Variants in DNAJC13 observed in about 807,000 individuals in gnomAD.
DNAJC13 encodes the protein dnaJ homolog subfamily C member 13.
Under a neutral mutation model 290.5 loss-of-function variants are expected in DNAJC13, and 75 were observed. The ratio of observed to expected loss-of-function variants is 0.26; its 90% CI spans 0.21 to 0.31. DNAJC13 has a LOEUF of 0.31. DNAJC13 is among the 10% of genes least tolerant of loss of function. The probability of loss-of-function intolerance (pLI) is 1.00; values close to 1 mark genes in which losing one functional copy is unlikely to be tolerated. For missense variants in DNAJC13, 2,260 were observed against 2,674.5 expected, an observed-to-expected ratio of 0.85 and a Z score of 3.42; for synonymous variants, 862 against 892.0, an observed-to-expected ratio of 0.97 and a Z score of 0.60.
intron 46 of DNAJC13, 148 bp downstream of exon 46, chr3:132,514,818 T>G (rs566403923): frequency 3.1e-6 from 2 of 637,056 alleles, no homozygotes; most frequent in Non-Finnish European, 5.4e-6. Context: ...CCTAATAATG[T>G]TTTACATACG....
chr3:132,453,350 A>G lies in DNAJC13; in HGVS notation c.590A>G (p.His197Arg), dbSNP rs1553744073. The G allele has an allele frequency of 1.2e-6, 2 of 1,613,942 alleles. No individual in the cohort carries two copies. Among genetic ancestry groups the G allele is most frequent in the African/African-American group, 1.3e-5 (1 of 75,054 alleles). ...GAGATTATTAAAAGTGCAATAGACC[A>G]TGCTGGTAACTACATAGGTATTTCA... ...REEIIKSAID[H>R]AGNYIGISLR... The change falls in exon 7 of 56, where the codon CAT becomes CGT. Residue 197 changes from histidine (H) to arginine (R), a missense_variant. Physicochemically the swap from His to Arg is conservative, Grantham distance 29. Around this residue, in one of 3 missense-constraint regions of DNAJC13, gnomAD observed 762 missense variants for 964.1 expected, o/e 0.79. Coordinates refer to ENST00000260818, the MANE Select transcript of DNAJC13 (RefSeq NM_015268.4).
intron 9 of DNAJC13, among the ~76,000 whole-genome samples, chr3:132,455,088 A>G (rs1054592405): frequency 6.6e-6 from 1 of 152,202 alleles, no homozygotes; most frequent in African/African-American, 2.4e-5. Flanking sequence ...GAAAAGACAG[A>G]TCGCAGGGAG....
At chr3:132,478,511 G>A (rs1007033962) in intron 24 of DNAJC13, among the ~76,000 whole-genome samples, 4 of 152,194 alleles carry the variant, frequency 2.6e-5, no homozygotes, top group Non-Finnish European at 5.9e-5. Flanking sequence ...ACTAAATTTA[G>A]AAGTGTGAAG....
At position 132,499,811 on chromosome 3, in the gene DNAJC13, G is replaced by A. The variant is rs778284262; in HGVS notation, c.4416+3G>A. The A allele has an allele frequency of 1.1e-5, 17 of 1,612,914 alleles. No homozygotes were observed. Among genetic ancestry groups the A allele is most frequent in the Non-Finnish European group, 1.3e-5 (15 of 1,179,472 alleles). ...AACCAAGTGACATGTCAGTACAGGT[G>A]AGGCTAAAACCTGTGGTTCCAAGAA... is the stretch of plus-strand genomic sequence containing the variant. On this transcript the variant is annotated splice_donor_region_variant and intron_variant, in intron 38 of 55. Transcript: ENST00000260818.
At chr3:132,451,546 T>G (rs552274828) in intron 6 of DNAJC13, among the ~76,000 whole-genome samples, 71 of 152,294 alleles carry the variant, frequency 4.7e-4, no homozygotes, top group African/African-American at 1.6e-3. Flanking sequence ...TATAACTATT[T>G]TTTTTTAAGA....
At chr3:132,427,479 T>G (rs1939130058) in intron 1 of DNAJC13, among the ~76,000 whole-genome samples, 2 of 152,178 alleles carry the variant, frequency 1.3e-5, no homozygotes, top group African/African-American at 2.4e-5. Flanking sequence ...AAACATAAAT[T>G]GTAACAATAA....
chr3:132,524,865 C>T (rs369075165), intron 51 of DNAJC13, among the ~76,000 whole-genome samples: 1 of 152,136 alleles, frequency 6.6e-6, no homozygotes, highest in South Asian at 2.1e-4. Flanking sequence ...TCTTTCCAAT[C>T]CGTTATCCAC....
chr3:132,421,499 C>G (rs1464480755), intron 1 of DNAJC13, among the ~76,000 whole-genome samples: 1 of 151,964 alleles, frequency 6.6e-6, no homozygotes, highest in African/African-American at 2.4e-5. Context: ...GCTCTGTCAC[C>G]CAGGCTGGAG....
At chr3:132,522,548 G>A (rs1936122916) in intron 48 of DNAJC13, among the ~76,000 whole-genome samples, 1 of 152,106 alleles carries the variant, frequency 6.6e-6, no homozygotes, top group Non-Finnish European at 1.5e-5. Flanking sequence ...GTGATACGGA[G>A]GCAGGGGGTG....
Position 132,457,290 on chromosome 3 carries a change from G to A in DNAJC13, c.1371G>A (p.Val457=). The A allele has an allele frequency of 6.2e-7, 1 of 1,612,756 alleles. No homozygotes were observed. Among genetic ancestry groups the A allele is most frequent in the Non-Finnish European group, 8.5e-7 (1 of 1,179,448 alleles). Residue 457 remains valine, a synonymous_variant, in exon 13 of 56, where the codon GTG becomes GTA. Coordinates refer to ENST00000260818, the MANE Select transcript of DNAJC13 (RefSeq NM_015268.4). ...QLPKFRERLG[V]KVVKALKRSN... ...AAAGGTTTCGCGAGCGTCTAGGGGT[G>A]AAGGTAGTAAAAGCACTCAAAAGAA...
chr3:132,511,915 C>T (rs916200324), intron 44 of DNAJC13, among the ~76,000 whole-genome samples: 12 of 152,084 alleles, frequency 7.9e-5, no homozygotes, highest in Non-Finnish European at 1.6e-4. Context: ...CATTTTTACT[C>T]TTCTTAGTAT....
intron 13 of DNAJC13, among the ~76,000 whole-genome samples, chr3:132,458,636 T>A (rs1217570922): frequency 6.6e-6 from 1 of 152,156 alleles, no homozygotes; most frequent in African/African-American, 2.4e-5. Flanking sequence ...TGGAGACCAA[T>A]GTATATATTT....
rs187414994 is a variant in DNAJC13, at chr3:132,491,013, A to G, written c.3585A>G (p.Glu1195=). 5.3e-5 allele frequency: 85 copies of G among 1,612,660 alleles called. No homozygotes were observed. The Admixed American group carries it at 1.1e-3, about 21-fold the overall frequency. The change falls in exon 32 of 56, where the codon GAA becomes GAG. Residue 1195 remains glutamate, a synonymous_variant. Coordinates refer to ENST00000260818, the MANE Select transcript of DNAJC13 (RefSeq NM_015268.4). The part of the protein sequence containing the change: ...PEKFSEIFLG[E]FDTPEAIWSS... ...AGTTTTCTGAGATTTTTCTAGGAGA[A>G]TTTGATACTCCAGAAGCAATCTGGA...
intron 1 of DNAJC13, 140 bp from the exon 2 acceptor site, chr3:132,434,398 A>G: frequency 2.0e-6 from 1 of 499,676 alleles, no homozygotes; most frequent in Middle Eastern, 3.0e-4. Context: ...AAAAAAAAAA[A>G]CAAAACCTTA....
chr3:132,430,388 C>A (rs1364824557), intron 1 of DNAJC13, among the ~76,000 whole-genome samples: 1 of 151,900 alleles, frequency 6.6e-6, no homozygotes, highest in African/African-American at 2.4e-5. Flanking sequence ...CTTATTCCCC[C>A]CTATGGGTTT....
At chr3:132,531,569 G>A (rs889801297) in intron 55 of DNAJC13, among the ~76,000 whole-genome samples, 3 of 152,286 alleles carry the variant, frequency 2.0e-5, no homozygotes, top group Non-Finnish European at 4.4e-5. Context: ...AAGCTGAGGC[G>A]GGTGAATCAC....
intron 25 of DNAJC13, 127 bp downstream of exon 25, chr3:132,479,416 C>G: frequency 1.5e-6 from 1 of 648,272 alleles, no homozygotes; most frequent in Non-Finnish European, 2.7e-6. Flanking sequence ...ACAGAAAGTT[C>G]TGTGTGCTCT....
rs759326297 is a variant in DNAJC13 at position 132,434,622 on chromosome 3, A to AGT, written c.68+5_68+6dup. ...CAAAACATTCATGGAGGGGGAAGTA[A>AGT]GTATTCTTGTTGGGTTTTTTTTTCT... On this transcript the variant is annotated splice_donor_region_variant and intron_variant, in intron 2 of 55. Transcript: ENST00000260818. 9 of 1,598,692 alleles carry AGT rather than the reference A, an allele frequency of 5.6e-6. No individual in the cohort carries two copies. In the Admixed American group the frequency reaches 1.3e-4, roughly 22 times the overall value.
In DNAJC13 at chr3:132,462,454, C is replaced by T. The variant is rs1933829944; in HGVS notation, c.1714-13C>T. On this transcript the variant is annotated splice_polypyrimidine_tract_variant and intron_variant, in intron 15 of 55. Coordinates refer to ENST00000260818, the MANE Select transcript of DNAJC13 (RefSeq NM_015268.4). The stretch of plus-strand genomic sequence containing the variant: ...TTTTTATTTTTTGATACTTTTTCCC[C>T]CTCACTTTAAAGCATCCTTCCATGG... 1 of 1,604,716 alleles carries T rather than the reference C, an allele frequency of 6.2e-7. No homozygotes were observed. Among genetic ancestry groups the T allele is most frequent in the East Asian group, 2.3e-5 (1 of 44,352 alleles).
Sources: allele counts gnomAD v4.1 joint callset (sites outside exome capture counted in the v4.1 genomes callset), GRCh38; gene constraint gnomAD v4.1.1; regional missense constraint gnomAD v4.1.1; transcripts MANE v1.5; gene names NCBI Gene and HGNC (gene_info 2026-07-23, HGNC 2026-07-21).